The following BOP1 variants were observed in gnomAD, a reference collection of about 807,000 sequenced individuals.
The protein encoded by BOP1 is ribosome biogenesis protein BOP1.
A neutral mutation model predicts 82.9 loss-of-function variants in BOP1; 54 were observed. The ratio of observed to expected loss-of-function variants is 0.65; its 90% CI spans 0.52 to 0.82. BOP1 has a LOEUF of 0.82. BOP1 is among the 40% of genes least tolerant of loss of function. BOP1 has a pLI of 0.00. For missense variants in BOP1, 1,170 were observed against 1,072.0 expected, an observed-to-expected ratio of 1.09 and a Z score of -1.28; for synonymous variants, 566 against 451.1, an observed-to-expected ratio of 1.25 and a Z score of -3.23.
intron 3 of BOP1, 101 bp downstream of exon 3, chr8:144,276,123 C>T (rs1486505962): frequency 5.7e-6 from 8 of 1,403,090 alleles, no homozygotes; most frequent in Non-Finnish European, 8.0e-6. Context: ...TGCGGCAGGT[C>T]CCAGCACCCC....
chr8:144,291,264 A>C lies in BOP1; in HGVS notation c.99+8T>G, dbSNP rs1460896148. 1 of 1,453,266 alleles carries C rather than the reference A, an allele frequency of 6.9e-7. No homozygotes were observed. Among genetic ancestry groups the C allele is most frequent in the Admixed American group, 2.5e-5 (1 of 39,244 alleles). The allele number at this position is 1,453,266 out of a possible 1,614,324, so 90.0% of individuals were successfully genotyped here. ...ACGCGCCCCGCCGCCCCGCATCGCC[A>C]CAGTCACCTCCGGCTCGGGCTCAGG... On this transcript the variant is annotated splice_region_variant and intron_variant, in intron 1 of 15. Coordinates refer to ENST00000569669, the MANE Select transcript of BOP1 (RefSeq NM_015201.5). This position sits in a 1 kb window ranked among gnomAD's most constrained non-coding sequence, Gnocchi z 4.1.
At chr8:144,290,175 A>G (rs1312099846) in intron 1 of BOP1, among the ~76,000 whole-genome samples, 1 of 152,146 alleles carries the variant, frequency 6.6e-6, no homozygotes, top group African/African-American at 2.4e-5. Flanking sequence ...CCTGGCCAAC[A>G]TGGTGAAACC....
At chr8:144,289,734 C>G (rs1814980972) in intron 1 of BOP1, among the ~76,000 whole-genome samples, 1 of 152,150 alleles carries the variant, frequency 6.6e-6, no homozygotes. Flanking sequence ...CCCTGGCATC[C>G]AAGGCCCCAG....
intron 2 of BOP1, among the ~76,000 whole-genome samples, chr8:144,283,140 G>T (rs1588606366): frequency 7.0e-6 from 1 of 142,458 alleles, no homozygotes; most frequent in East Asian, 2.1e-4. Context: ...AGAAGTTGCA[G>T]TGAGCCGAGA....
In BOP1 at chr8:144,264,623, GAGA is replaced by G. The variant is rs1233574497; in HGVS notation, c.664-10_664-8del. 8.2e-6 allele frequency: 13 copies of G among 1,589,672 alleles called. No individual in the cohort carries two copies. The highest frequency in any genetic ancestry group is 2.7e-5 in the African/African-American group (2 of 74,520). ...TGAAGAAGTCGACAGCCGGCTGGGGGAGAAGATGTGGGCGTGTGGGCCAGAGTG... is the reference window on the plus strand; with the variant it reads ...TGAAGAAGTCGACAGCCGGCTGGGGGAGATGTGGGCGTGTGGGCCAGAGTG... On this transcript the variant is annotated splice_region_variant and splice_polypyrimidine_tract_variant and intron_variant, in intron 5 of 15. Transcript: ENST00000569669.
chr8:144,291,344 G>A lies in BOP1; in HGVS notation c.27C>T (p.Arg9=). Residue 9 remains arginine (R), a synonymous_variant, in exon 1 of 16, where the codon CGC becomes CGT. Coordinates refer to ENST00000569669, the MANE Select transcript of BOP1 (RefSeq NM_015201.5). This position sits in a 1 kb window ranked among gnomAD's most constrained non-coding sequence, Gnocchi z 4.1. MAGSRGAG[R]TAAPSVRPEK... ...CCGGCCGCACGCTCGGCGCCGCCGT[G>A]CGCCCCGCACCCCGCGAACCCGCCA... 7.1e-6 allele frequency: 10 copies of A among 1,401,622 alleles called. No homozygotes were observed. Among genetic ancestry groups the A allele is most frequent in the Non-Finnish European group, 9.3e-6 (10 of 1,073,490 alleles). 86.8% of individuals were successfully genotyped at this position (1,401,622 alleles called of 1,614,324 possible).
chr8:144,284,799 G>A (rs892212511), intron 2 of BOP1, among the ~76,000 whole-genome samples: 1 of 152,218 alleles, frequency 6.6e-6, no homozygotes, highest in Non-Finnish European at 1.5e-5. Flanking sequence ...AGGCAGGGTC[G>A]TGTGCATGTC....
chr8:144,284,002 G>A (rs1345564334), intron 2 of BOP1, among the ~76,000 whole-genome samples: 2 of 152,200 alleles, frequency 1.3e-5, no homozygotes, highest in East Asian at 1.9e-4. Flanking sequence ...CTGTAATCCC[G>A]GCTACTCAGG....
chr8:144,280,677 C>T (rs1845654514), intron 2 of BOP1, among the ~76,000 whole-genome samples: 2 of 152,196 alleles, frequency 1.3e-5, no homozygotes, highest in African/African-American at 4.8e-5. Flanking sequence ...ACATGGAAAA[C>T]CCTGTCTCTA....
intron 3 of BOP1, chr8:144,266,681 C>T (rs1845375262): frequency 2.4e-6 from 3 of 1,244,312 alleles, no homozygotes; most frequent in Non-Finnish European, 2.1e-6. Flanking sequence ...AGCCCGCTGT[C>T]GGAGGACGAG....
In BOP1 at chr8:144,262,491, C is replaced by T. The variant is rs1181870087; in HGVS notation, c.1992G>A (p.Lys664=). 2 of 1,612,748 alleles carry T rather than the reference C, an allele frequency of 1.2e-6. No homozygotes were observed. Among genetic ancestry groups the T allele is most frequent in the East Asian group, 2.2e-5 (1 of 44,842 alleles). ...GGTGGAAGGCCACAGCCCGCAGAGC[C>T]TTCTTGTGGTGTCTGGGGGGAGGGA... ...KPYRMLRHHK[K]ALRAVAFHPR... Residue 664 remains lysine, a synonymous_variant, in exon 15 of 16, where the codon AAG becomes AAA. Transcript: ENST00000569669.
chr8:144,275,920 G>A (rs1431483924), intron 3 of BOP1, among the ~76,000 whole-genome samples: 1 of 150,194 alleles, frequency 6.7e-6, no homozygotes, highest in Non-Finnish European at 1.5e-5. Flanking sequence ...CCACCCTGCA[G>A]ACGCCACAGG....
intron 2 of BOP1, among the ~76,000 whole-genome samples, chr8:144,280,230 C>T (rs1483990560): frequency 3.9e-5 from 6 of 152,344 alleles, no homozygotes; most frequent in East Asian, 1.9e-4. Context: ...GAGGCAAGAG[C>T]GGAGTTTACC....
chr8:144,279,560 G>A (rs782222989), intron 2 of BOP1, among the ~76,000 whole-genome samples: 3 of 152,254 alleles, frequency 2.0e-5, no homozygotes, highest in African/African-American at 7.2e-5. Flanking sequence ...AGTGGAATGA[G>A]GTTCTGGGGA....
At chr8:144,279,950 T>C (rs1435998826) in intron 2 of BOP1, among the ~76,000 whole-genome samples, 1 of 152,184 alleles carries the variant, frequency 6.6e-6, no homozygotes, top group African/African-American at 2.4e-5. Context: ...GAGCACAGGA[T>C]GTGAGCTGAG....
In BOP1 at chr8:144,266,808, G is replaced by A. The variant is rs1468531688; in HGVS notation, c.391-1737C>T. On this transcript the variant is annotated intron_variant, in intron 3 of 15. Coordinates refer to ENST00000569669, the MANE Select transcript of BOP1 (RefSeq NM_015201.5). The stretch of plus-strand genomic sequence containing the variant: ...GGGGCCGGCGGGCCGGGGGCGGGGG[G>A]CCAGGGGGCCGGCCAGGCCGTGAGC... 16 of 1,154,332 alleles carry A rather than the reference G, an allele frequency of 1.4e-5. 1 individual carries two copies. The South Asian group carries it at 1.9e-4, about 14-fold the overall frequency. The allele number at this position is 1,154,332 out of a possible 1,614,324, so 71.5% of individuals were successfully genotyped here.
intron 1 of BOP1, among the ~76,000 whole-genome samples, chr8:144,289,771 T>C (rs532330179): frequency 3.3e-5 from 5 of 152,252 alleles, no homozygotes; most frequent in African/African-American, 1.2e-4. Flanking sequence ...GAAAAGGGGC[T>C]GGGGGCTGGA....
rs1258476325 is a variant in BOP1, at chr8:144,291,434, A to C, written c.-64T>G. 2.0e-6 allele frequency: 2 copies of C among 1,006,116 alleles called. No homozygotes were observed. Among genetic ancestry groups the C allele is most frequent in the Non-Finnish European group, 2.4e-6 (2 of 823,372 alleles). The allele number at this position is 1,006,116 out of a possible 1,614,324, so 62.3% of individuals were successfully genotyped here. On this transcript the variant is annotated 5_prime_UTR_variant, in exon 1 of 16. Transcript: ENST00000569669. This position sits in a 1 kb window ranked among gnomAD's most constrained non-coding sequence, Gnocchi z 4.1. Reference sequence around the variant, plus strand: ...CCGACAGCGACCGGGCCGCGTGCGCAGGAGGACGCGCCCCGCCCAGCCCGG... The same window carrying C: ...CCGACAGCGACCGGGCCGCGTGCGCCGGAGGACGCGCCCCGCCCAGCCCGG...
intron 3 of BOP1, chr8:144,268,286 GC>G: frequency 8.0e-7 from 1 of 1,243,194 alleles, no homozygotes; most frequent in East Asian, 2.5e-5. Flanking sequence ...TGCGAGCGGG[GC>G]CGAGGGACAG....
Sources: allele counts gnomAD v4.1 joint callset (sites outside exome capture counted in the v4.1 genomes callset), GRCh38; gene constraint gnomAD v4.1.1; non-coding constraint Gnocchi (gnomAD v3.1); transcripts MANE v1.5; gene names NCBI Gene and HGNC (gene_info 2026-07-23, HGNC 2026-07-21).